Variants in PRR16 observed in about 807,000 individuals in gnomAD.
PRR16 encodes the protein protein Largen.
A neutral mutation model predicts 18.2 loss-of-function variants in PRR16; 6 were observed. The ratio of observed to expected loss-of-function variants is 0.33; its 90% CI spans 0.18 to 0.65. PRR16 has a LOEUF of 0.65. Ranked by LOEUF, PRR16 falls within the 30% of genes least tolerant of loss-of-function variation. The pLI, the probability that PRR16 is intolerant of heterozygous loss-of-function variation, is 0.74. For synonymous variants in PRR16, 151 were observed against 147.8 expected, an observed-to-expected ratio of 1.02 and a Z score of -0.16; for missense variants, 412 against 376.6, an observed-to-expected ratio of 1.09 and a Z score of -0.78.
intron 1 of PRR16, among the ~76,000 whole-genome samples, chr5:120,476,493 T>A (rs926055863): frequency 3.9e-5 from 6 of 152,198 alleles, no homozygotes; most frequent in African/African-American, 1.4e-4. Context: ...TTACTAACTA[T>A]GTAACCTTCA....
intron 1 of PRR16, among the ~76,000 whole-genome samples, chr5:120,679,779 T>G (rs1195190539): frequency 2.0e-5 from 3 of 152,216 alleles, no homozygotes; most frequent in African/African-American, 7.2e-5. Context: ...TGATCTTACT[T>G]ATATATGGAA....
At chr5:120,599,594 C>T (rs1191064227) in intron 1 of PRR16, among the ~76,000 whole-genome samples, 1 of 151,876 alleles carries the variant, frequency 6.6e-6, no homozygotes, top group Non-Finnish European at 1.5e-5. Flanking sequence ...AACATCTTTA[C>T]TTGGAGTGAC....
intron 1 of PRR16, among the ~76,000 whole-genome samples, chr5:120,610,499 C>T (rs1230538832): frequency 6.6e-6 from 1 of 151,956 alleles, no homozygotes; most frequent in Non-Finnish European, 1.5e-5. Flanking sequence ...AGGATTTTCC[C>T]GTGTTGTGGG....
intron 1 of PRR16, among the ~76,000 whole-genome samples, chr5:120,473,519 G>A (rs754278338): frequency 4.6e-5 from 7 of 152,118 alleles, no homozygotes; most frequent in Non-Finnish European, 8.8e-5. Context: ...AGTATAGGTT[G>A]GTTATGAAGA....
rs1348442932 is a variant in PRR16 at position 120,674,998 on chromosome 5, GATTA to G, written c.160-10951_160-10948del. 6.6e-5 allele frequency among the ~76,000 whole-genome samples: 10 copies of G among 152,002 alleles called. No individual in the cohort carries two copies. The South Asian group carries it at 1.5e-3, about 22-fold the overall frequency. ...GTACATTTTCAAGCATCTCTAAATA[GATTA>G]ATTAGACTTACTACAAAGTTCTATT... On this transcript the variant is annotated intron_variant, in intron 1 of 1. Transcript: ENST00000407149.
At chr5:120,533,942 C>T (rs1277474001) in intron 1 of PRR16, among the ~76,000 whole-genome samples, 1 of 152,066 alleles carries the variant, frequency 6.6e-6, no homozygotes, top group Non-Finnish European at 1.5e-5. Flanking sequence ...ACAAGGCTTC[C>T]TGAGAGATTG....
chr5:120,697,403 A>G, the PRR16 span, among the ~76,000 whole-genome samples: 1 of 152,258 alleles, frequency 6.6e-6, no homozygotes, highest in African/African-American at 2.4e-5. Context: ...ACAATTTGCA[A>G]CTGGAATTGT....
At chr5:120,710,200 G>A in the PRR16 span, among the ~76,000 whole-genome samples, 1 of 152,122 alleles carries the variant, frequency 6.6e-6, no homozygotes, top group Non-Finnish European at 1.5e-5. Flanking sequence ...TTTTTATCAT[G>A]TGAATTTCCC....
the PRR16 span, among the ~76,000 whole-genome samples, chr5:120,786,988 T>C: frequency 1.3e-5 from 2 of 152,130 alleles, no homozygotes; most frequent in East Asian, 1.9e-4. Flanking sequence ...AAAACTTATA[T>C]GGTTTTAAGC....
chr5:120,524,981 T>C (rs1462649943), intron 1 of PRR16, among the ~76,000 whole-genome samples: 1 of 152,080 alleles, frequency 6.6e-6, no homozygotes, highest in Non-Finnish European at 1.5e-5. Context: ...GTTAGTAAGG[T>C]CATATGGAGG....
chr5:120,748,150 A>G, the PRR16 span, among the ~76,000 whole-genome samples: 2 of 152,092 alleles, frequency 1.3e-5, no homozygotes, highest in Non-Finnish European at 2.9e-5. Flanking sequence ...GATTATTAAT[A>G]TTGCCTTGAG....
the PRR16 span, among the ~76,000 whole-genome samples, chr5:120,769,544 C>CT: frequency 6.6e-6 from 1 of 151,794 alleles, no homozygotes; most frequent in Non-Finnish European, 1.5e-5. Flanking sequence ...GCAGAACTTC[C>CT]TTTTTTTAAA....
chr5:120,590,221 C>T (rs1003713364), intron 1 of PRR16, among the ~76,000 whole-genome samples: 1 of 152,110 alleles, frequency 6.6e-6, no homozygotes, highest in Non-Finnish European at 1.5e-5. Context: ...CCTTCAGGAT[C>T]CAGCTCAGAT....
At chr5:120,584,839 T>TTATCTTA (rs1378467105) in intron 1 of PRR16, among the ~76,000 whole-genome samples, 1 of 152,210 alleles carries the variant, frequency 6.6e-6, no homozygotes, top group African/African-American at 2.4e-5. Flanking sequence ...CTTTCATATG[T>TTATCTTA]TATCTTATTT....
intron 1 of PRR16, among the ~76,000 whole-genome samples, chr5:120,644,037 C>A (rs1162793328): frequency 6.6e-6 from 1 of 151,860 alleles, no homozygotes; most frequent in Non-Finnish European, 1.5e-5. Context: ...AGGCTGATGC[C>A]CTTTAGATGA....
chr5:120,694,847 T>C, the PRR16 span, among the ~76,000 whole-genome samples: 1 of 152,230 alleles, frequency 6.6e-6, no homozygotes, highest in Admixed American at 6.5e-5. Flanking sequence ...ACACTAGTCA[T>C]CTTTACATCT....
At chr5:120,706,418 G>A in the PRR16 span, among the ~76,000 whole-genome samples, 1 of 152,106 alleles carries the variant, frequency 6.6e-6, no homozygotes, top group African/African-American at 2.4e-5. Context: ...TGGCTCAGTG[G>A]ATAGAAATAG....
the PRR16 span, among the ~76,000 whole-genome samples, chr5:120,732,362 G>C: frequency 1.3e-5 from 2 of 152,112 alleles, no homozygotes; most frequent in Non-Finnish European, 2.9e-5. Context: ...ATCTGAAGAC[G>C]AGGGAGTGGG....
At chr5:120,689,599 G>C (rs529486455), downstream of PRR16, among the ~76,000 whole-genome samples, 3 of 152,074 alleles carry the variant, frequency 2.0e-5, no homozygotes, top group African/African-American at 7.2e-5. Context: ...CACAGAGCCA[G>C]CCTTCATACT....
Sources: gnomAD v4.1 joint callset for allele counts (sites outside exome capture counted in the v4.1 genomes callset) on GRCh38, gnomAD v4.1.1 for gene constraint, MANE v1.5 for transcripts, NCBI Gene and HGNC (gene_info 2026-07-23, HGNC 2026-07-21) for gene names.